Variants in PPA2 observed in about 807,000 individuals in gnomAD.
PPA2 encodes inorganic pyrophosphatase 2.
PPA2 carries 48 observed loss-of-function variants against 49.5 expected under a neutral mutation model. That is an observed-to-expected ratio of 0.97 (90% CI 0.77 to 1.23). The LOEUF is 1.23. Ranked by LOEUF, PPA2 falls within the 50% of genes most tolerant of loss-of-function variation. The probability of loss-of-function intolerance (pLI) is 0.00; values close to 1 mark genes in which losing one functional copy is unlikely to be tolerated. For missense variants in PPA2, 429 were observed against 410.1 expected (o/e 1.05, Z -0.40); for synonymous variants, 131 against 139.9 (o/e 0.94, Z 0.45).
chr4:105,428,483 TA>T (rs368350191), intron 6 of PPA2, among the ~76,000 whole-genome samples: 4 of 147,580 alleles, frequency 2.7e-5, no homozygotes, highest in African/African-American at 1.0e-4. Context: ...CAGATAGGCT[TA>T]AAATAAAGGG....
chr4:105,438,364 G>A (rs1724167074), intron 5 of PPA2, among the ~76,000 whole-genome samples: 1 of 152,156 alleles, frequency 6.6e-6, no homozygotes, highest in South Asian at 2.1e-4. Context: ...CCCACTGTCT[G>A]TGCCCTTGTT....
chr4:105,410,522 T>C (rs182354211), intron 7 of PPA2, among the ~76,000 whole-genome samples: 1 of 152,234 alleles, frequency 6.6e-6, no homozygotes, highest in Admixed American at 6.5e-5. Flanking sequence ...TTCCCCAACC[T>C]AGCAAGGCAG....
intron 6 of PPA2, among the ~76,000 whole-genome samples, 169 bp from the exon 7 acceptor site, chr4:105,424,491 A>T (rs1723400794): frequency 7.0e-6 from 1 of 142,698 alleles, no homozygotes; most frequent in Non-Finnish European, 1.5e-5. Flanking sequence ...GTCCCTTTAG[A>T]GTTAACTTTC....
chr4:105,435,566 G>A (rs549294011), intron 6 of PPA2, among the ~76,000 whole-genome samples: 19 of 152,210 alleles, frequency 1.2e-4, no homozygotes, highest in Non-Finnish European at 2.5e-4. Flanking sequence ...CTCCACTGGT[G>A]TTCTTGTGTC....
chr4:105,456,672 A>G lies in PPA2; in HGVS notation c.222+9T>C. ...ACGTTTTCATTCCCAAAACAAGTCA[A>G]AACAATACCTCTTTAGAGTTCACCT... On this transcript the variant is annotated intron_variant, in intron 2 of 11. Transcript: ENST00000341695. 6.3e-7 allele frequency: 1 copy of G among 1,591,798 alleles called. No individual in the cohort carries two copies. Among genetic ancestry groups the G allele is most frequent in the Non-Finnish European group, 8.6e-7 (1 of 1,164,814 alleles).
At chr4:105,412,306 G>A (rs1722799142) in intron 7 of PPA2, among the ~76,000 whole-genome samples, 1 of 152,124 alleles carries the variant, frequency 6.6e-6, no homozygotes, top group African/African-American at 2.4e-5. Flanking sequence ...ACAACCATCT[G>A]ATCCTTGAAA....
At chr4:105,369,910 T>C (rs1448602339) in intron 11 of PPA2, among the ~76,000 whole-genome samples, 157 bp from the exon 12 acceptor site, 2 of 152,228 alleles carry the variant, frequency 1.3e-5, no homozygotes, top group African/African-American at 4.8e-5. Context: ...TAAAGCTATT[T>C]CCCTTCAAAC....
chr4:105,453,317 T>C (rs1722745132), intron 3 of PPA2, among the ~76,000 whole-genome samples: 1 of 152,132 alleles, frequency 6.6e-6, no homozygotes, highest in Non-Finnish European at 1.5e-5. Context: ...TGGAGATGGA[T>C]GGTGATGAGG....
At chr4:105,460,060 A>G (rs569034503) in intron 1 of PPA2, among the ~76,000 whole-genome samples, 1 of 152,382 alleles carries the variant, frequency 6.6e-6, no homozygotes, top group Non-Finnish European at 1.5e-5. Flanking sequence ...AATTTTAAAA[A>G]TAAGTAAATA....
intron 1 of PPA2, among the ~76,000 whole-genome samples, chr4:105,463,068 G>A (rs979653640): frequency 1.3e-5 from 2 of 152,198 alleles, no homozygotes; most frequent in African/African-American, 4.8e-5. Context: ...CTTTGGAACT[G>A]GATAACAGGC....
intron 1 of PPA2, among the ~76,000 whole-genome samples, chr4:105,459,470 G>A (rs1459994794): frequency 6.6e-6 from 1 of 152,196 alleles, no homozygotes; most frequent in Non-Finnish European, 1.5e-5. Context: ...ATGGTGATGG[G>A]AACTGAAAAT....
intron 7 of PPA2, among the ~76,000 whole-genome samples, chr4:105,413,650 G>A (rs1422796554): frequency 1.3e-5 from 2 of 152,122 alleles, no homozygotes; most frequent in African/African-American, 2.4e-5. Flanking sequence ...ATAATGAAAT[G>A]TGTAAGAAAG....
In PPA2 at chr4:105,399,172, G is replaced by GA; in HGVS notation, c.656-9dup. ...TCTTAACATCATCAATATCTGTAAA[G>GA]AAAAAAACAAAAAGATGTTTTGTTA... On this transcript the variant is annotated splice_polypyrimidine_tract_variant and intron_variant, in intron 7 of 11. Coordinates refer to ENST00000341695, the MANE Select transcript of PPA2 (RefSeq NM_176869.3). 2.5e-6 allele frequency: 4 copies of GA among 1,577,662 alleles called. No homozygotes were observed. The highest frequency in any genetic ancestry group is 1.2e-5 in the South Asian group (1 of 83,504).
At chr4:105,416,122 T>C (rs7655876) in intron 7 of PPA2, among the ~76,000 whole-genome samples, 4,753 of 152,278 alleles carry the variant, frequency 0.031, 126 homozygotes, top group African/African-American at 0.07. Flanking sequence ...CCCAGGGAGC[T>C]TTATCAAACT....
chr4:105,374,376 C>T (rs1733151933), intron 10 of PPA2, among the ~76,000 whole-genome samples: 1 of 152,184 alleles, frequency 6.6e-6, no homozygotes, highest in African/African-American at 2.4e-5. Flanking sequence ...GCCCCGGCAA[C>T]ATAGTGAGAC....
chr4:105,385,324 A>G (rs1733636583), intron 10 of PPA2, among the ~76,000 whole-genome samples: 1 of 149,420 alleles, frequency 6.7e-6, no homozygotes, highest in Admixed American at 6.6e-5. Flanking sequence ...ACAAGGGCAG[A>G]GGTTTTTGTG....
intron 1 of PPA2, among the ~76,000 whole-genome samples, chr4:105,466,339 T>TA (rs1197376180): frequency 6.6e-6 from 1 of 152,006 alleles, no homozygotes. Flanking sequence ...AGATACTAGA[T>TA]ACAAATTCCA....
chr4:105,466,412 T>C (rs1723303280), intron 1 of PPA2, among the ~76,000 whole-genome samples: 1 of 152,040 alleles, frequency 6.6e-6, no homozygotes, highest in South Asian at 2.1e-4. Context: ...TATGTGTTTA[T>C]TCTATCACAT....
At chr4:105,420,232 T>A (rs1470426550) in intron 7 of PPA2, among the ~76,000 whole-genome samples, 1 of 152,052 alleles carries the variant, frequency 6.6e-6, no homozygotes, top group Non-Finnish European at 1.5e-5. Context: ...TTGGCCTCTT[T>A]TTCTAAAGAT....
Sources: gnomAD v4.1 joint callset for allele counts (sites outside exome capture counted in the v4.1 genomes callset) on GRCh38, gnomAD v4.1.1 for gene constraint, MANE v1.5 for transcripts, NCBI Gene and HGNC (gene_info 2026-07-23, HGNC 2026-07-21) for gene names.